GPHN: variants seen among roughly 807,000 people sequenced by gnomAD.
GPHN encodes gephyrin.
A neutral mutation model predicts 95.5 loss-of-function variants in GPHN; 17 were observed. The observed-to-expected ratio is 0.18, with a 90% CI of 0.12 to 0.27. The LOEUF (loss-of-function observed/expected upper bound fraction) is 0.27. GPHN is among the 10% of genes least tolerant of loss of function. The probability of loss-of-function intolerance (pLI) is 1.00; values close to 1 mark genes in which losing one functional copy is unlikely to be tolerated. For missense variants in GPHN, 660 were observed against 978.1 expected, an observed-to-expected ratio of 0.67 and a Z score of 4.34; for synonymous variants, 320 against 322.5, an observed-to-expected ratio of 0.99 and a Z score of 0.08.
chr14:66,597,051 G>A (rs992532929), intron 1 of GPHN, among the ~76,000 whole-genome samples: 3 of 152,162 alleles, frequency 2.0e-5, no homozygotes, highest in African/African-American at 7.2e-5. Context: ...GCTGACAGGG[G>A]GCATTGTTTA....
intron 3 of GPHN, among the ~76,000 whole-genome samples, chr14:66,786,898 A>G (rs2059796919): frequency 6.6e-6 from 1 of 152,148 alleles, no homozygotes; most frequent in South Asian, 2.1e-4. Flanking sequence ...ATCTAGAGAA[A>G]ACCTATAGCT....
chr14:66,601,659 T>C (rs1192391320), intron 1 of GPHN, among the ~76,000 whole-genome samples: 2 of 151,968 alleles, frequency 1.3e-5, no homozygotes, highest in Non-Finnish European at 2.9e-5. Flanking sequence ...ATGTATGATT[T>C]TCTTATTATG....
chr14:66,956,232 C>G (rs1399755996), intron 8 of GPHN, among the ~76,000 whole-genome samples: 4 of 152,108 alleles, frequency 2.6e-5, no homozygotes, highest in Non-Finnish European at 4.4e-5. Flanking sequence ...CTATAAGTTT[C>G]CCTCTGAACA....
rs538031175 is a variant in GPHN at position 67,170,583 on chromosome 14, CAACA to C, written c.2079+1550_2079+1553del. Among the ~76,000 whole-genome samples the C allele has an allele frequency of 1.3e-4, 20 of 152,284 alleles. No homozygotes were observed. In the South Asian group the frequency reaches 4.1e-3, roughly 32 times the overall value. On this transcript the variant is annotated intron_variant, in intron 21 of 22. Coordinates refer to ENST00000478722, the MANE Select transcript of GPHN (RefSeq NM_020806.5). ...CAGACATAGCAGCCATCTATTCTGA[CAACA>C]AAGATGAGATGGTACTTTGTAATCA...
chr14:66,938,338 G>A (rs189177103), intron 8 of GPHN, among the ~76,000 whole-genome samples: 2 of 152,168 alleles, frequency 1.3e-5, no homozygotes, highest in African/African-American at 4.8e-5. Context: ...GTTACATATA[G>A]CTTAAAAAGA....
At chr14:66,639,162 A>G (rs2064261204) in intron 1 of GPHN, among the ~76,000 whole-genome samples, 2 of 149,192 alleles carry the variant, frequency 1.3e-5, no homozygotes, top group South Asian at 4.2e-4. Flanking sequence ...AAGGAAACAG[A>G]TAATGTAGAA....
At chr14:67,642,479 G>A in the GPHN span, 2 of 1,226,742 alleles carry the variant, frequency 1.6e-6, no homozygotes, top group Non-Finnish European at 2.2e-6. Flanking sequence ...AATTTTTAGG[G>A]TAGATATTAA....
intron 2 of GPHN, among the ~76,000 whole-genome samples, chr14:66,771,403 A>G (rs2059164890): frequency 6.6e-6 from 1 of 152,180 alleles, no homozygotes; most frequent in Non-Finnish European, 1.5e-5. Context: ...GATAACAGAT[A>G]ACCCTGAATT....
At chr14:67,279,701 A>C in the GPHN span, 1 of 591,058 alleles carries the variant, frequency 1.7e-6, no homozygotes. Context: ...ACTATTGTTT[A>C]CTGTTACCAA....
intron 2 of GPHN, among the ~76,000 whole-genome samples, chr14:66,749,865 A>C (rs1323529333): frequency 6.6e-6 from 1 of 151,266 alleles, no homozygotes; most frequent in Non-Finnish European, 1.5e-5. Flanking sequence ...TTTTGTGAGC[A>C]TATAGTAGGT....
intron 1 of GPHN, among the ~76,000 whole-genome samples, chr14:66,531,376 A>G (rs1345587086): frequency 3.3e-5 from 5 of 152,144 alleles, no homozygotes; most frequent in African/African-American, 9.7e-5. Flanking sequence ...CGGAGGTTGC[A>G]GTGAGCCAAG....
At chr14:67,609,316 G>C in the GPHN span, among the ~76,000 whole-genome samples, 1 of 152,122 alleles carries the variant, frequency 6.6e-6, no homozygotes, top group Non-Finnish European at 1.5e-5. Context: ...GGATACAAAT[G>C]AATAACCAGA....
At chr14:66,983,718 C>CT (rs545375853) in intron 9 of GPHN, among the ~76,000 whole-genome samples, 23 of 152,072 alleles carry the variant, frequency 1.5e-4, no homozygotes, top group Non-Finnish European at 2.2e-4. Flanking sequence ...TGGTAACTGT[C>CT]TTTTTTTCTT....
the GPHN span, among the ~76,000 whole-genome samples, chr14:67,393,574 C>A: frequency 6.6e-6 from 1 of 152,138 alleles, no homozygotes; most frequent in Admixed American, 6.5e-5. Flanking sequence ...CTGCCTCAAC[C>A]TCCGGAGCAG....
the GPHN span, chr14:67,570,381 A>G: frequency 1.4e-6 from 1 of 700,390 alleles, no homozygotes; most frequent in South Asian, 6.4e-5. Context: ...TACATTTTAA[A>G]AACAAAAATC....
the GPHN span, among the ~76,000 whole-genome samples, chr14:67,720,660 T>C: frequency 6.6e-6 from 1 of 152,376 alleles, no homozygotes; most frequent in East Asian, 1.9e-4. Flanking sequence ...CTTTCCATTC[T>C]GTTCTATTGA....
At chr14:67,190,287 G>A in the GPHN span, among the ~76,000 whole-genome samples, 98 of 147,428 alleles carry the variant, frequency 6.6e-4, 1 homozygote, top group Middle Eastern at 3.6e-3. Context: ...GCAGTGGCAC[G>A]ATCTCGACCC....
At chr14:66,693,047 G>C (rs1466461548) in intron 2 of GPHN, among the ~76,000 whole-genome samples, 2 of 151,668 alleles carry the variant, frequency 1.3e-5, no homozygotes, top group Non-Finnish European at 2.9e-5. Context: ...ATATAAATAA[G>C]CCCACTACAT....
At chr14:66,891,230 T>G (rs1480389727) in intron 5 of GPHN, among the ~76,000 whole-genome samples, 1 of 152,082 alleles carries the variant, frequency 6.6e-6, no homozygotes, top group East Asian at 1.9e-4. Flanking sequence ...TTCAGCAAAG[T>G]TGCAGAATAC....
Sources: gnomAD v4.1 joint callset for allele counts (sites outside exome capture counted in the v4.1 genomes callset) on GRCh38, gnomAD v4.1.1 for gene constraint, MANE v1.5 for transcripts, NCBI Gene and HGNC (gene_info 2026-07-23, HGNC 2026-07-21) for gene names.